CAPS2: variants seen among roughly 807,000 people sequenced by gnomAD.
CAPS2 encodes the protein calcyphosin-2.
Under a neutral mutation model 86.5 loss-of-function variants are expected in CAPS2, and 98 were observed. The observed-to-expected ratio is 1.13, with a 90% CI of 0.96 to 1.34. The LOEUF (loss-of-function observed/expected upper bound fraction) is 1.34, where lower values mean the gene tolerates loss of function less well. Ranked by LOEUF, CAPS2 falls within the 40% of genes most tolerant of loss-of-function variation. The pLI, the probability that CAPS2 is intolerant of heterozygous loss-of-function variation, is 0.00. For synonymous variants in CAPS2, 210 were observed against 225.1 expected, an observed-to-expected ratio of 0.93 and a Z score of 0.60; for missense variants, 729 against 686.8, an observed-to-expected ratio of 1.06 and a Z score of -0.69.
chr12:75,308,925 G>A (rs6582286), intron 7 of CAPS2, among the ~76,000 whole-genome samples: 27 of 130,872 alleles, frequency 2.1e-4, no homozygotes, highest in East Asian at 2.2e-4. Context: ...AAAAAAAAAG[G>A]GGGTAAGGAG....
intron 14 of CAPS2, 101 bp downstream of exon 14, chr12:75,289,517 GAGA>G (rs1046852502): frequency 9.7e-6 from 10 of 1,028,398 alleles, no homozygotes; most frequent in East Asian, 2.5e-5. Context: ...AAAGGGCATA[GAGA>G]AGGAGAAAAT....
exon 17 of CAPS2, chr12:75,277,659 A>G: frequency 8.1e-6 from 8 of 984,246 alleles, no homozygotes; most frequent in South Asian, 4.7e-5. Flanking sequence ...TTGGGTTCAC[A>G]TGTATCACAC....
chr12:75,371,368 G>C (rs1345841987), intron 1 of CAPS2: 1 of 203,078 alleles, frequency 4.9e-6, no homozygotes, highest in Non-Finnish European at 1.1e-5. Context: ...GTTTATTCTA[G>C]CTGGCAGCCG....
chr12:75,364,053 G>T (rs556674168), intron 1 of CAPS2, among the ~76,000 whole-genome samples: 3 of 152,268 alleles, frequency 2.0e-5, no homozygotes, highest in South Asian at 4.1e-4. Context: ...GAGACCAAGG[G>T]TTTATTAAGT....
At chr12:75,293,226 T>G (rs1363473211) in intron 12 of CAPS2, 23 bp downstream of exon 12, 1 of 1,355,858 alleles carries the variant, frequency 7.4e-7, no homozygotes, top group Non-Finnish European at 1.0e-6. Flanking sequence ...ACTTTCAAAT[T>G]GCCAAATGCA....
chr12:75,338,168 T>A lies in CAPS2; in HGVS notation c.-394-14946A>T, dbSNP rs183608110. Reference sequence around the variant, plus strand: ...AAAAACATTACAGGTTAGAAAATTATAGCTCAATATAGATGCAAAAAATCT... The same window carrying A: ...AAAAACATTACAGGTTAGAAAATTAAAGCTCAATATAGATGCAAAAAATCT... On this transcript the variant is annotated intron_variant, in intron 1 of 5. Coordinates refer to the CAPS2 transcript ENST00000551829. Among the ~76,000 whole-genome samples the A allele has an allele frequency of 7.2e-5, 11 of 152,282 alleles. No homozygotes were observed. In the East Asian group the frequency reaches 2.1e-3, roughly 29 times the overall value.
intron 1 of CAPS2, among the ~76,000 whole-genome samples, chr12:75,344,722 T>C (rs1190082367): frequency 6.6e-6 from 1 of 152,176 alleles, no homozygotes; most frequent in Non-Finnish European, 1.5e-5. Flanking sequence ...GCTGGGTTCA[T>C]CTGTATACTA....
intron 7 of CAPS2, chr12:75,306,393 A>C: frequency 7.7e-6 from 3 of 391,738 alleles, no homozygotes; most frequent in Non-Finnish European, 9.5e-6. Flanking sequence ...ATGGTTTCTG[A>C]CCCTCACCAG....
At chr12:75,323,559 C>A (rs1487821356) in intron 2 of CAPS2, among the ~76,000 whole-genome samples, 1 of 152,122 alleles carries the variant, frequency 6.6e-6, no homozygotes, top group Non-Finnish European at 1.5e-5. Context: ...GCCTGACCAA[C>A]ATGGAGAAAC....
chr12:75,316,767 A>G (rs1270696880), intron 5 of CAPS2, among the ~76,000 whole-genome samples: 1 of 152,194 alleles, frequency 6.6e-6, no homozygotes, highest in Non-Finnish European at 1.5e-5. Flanking sequence ...GTTAGCAGCT[A>G]TTATAATTAT....
intron 1 of CAPS2, chr12:75,369,538 G>A: frequency 1.0e-6 from 1 of 982,514 alleles, no homozygotes; most frequent in South Asian, 4.7e-5. Context: ...AAAGTTTGAT[G>A]TGGAAAAGAC....
At chr12:75,358,531 A>G (rs2043305404) in intron 1 of CAPS2, among the ~76,000 whole-genome samples, 1 of 151,190 alleles carries the variant, frequency 6.6e-6, no homozygotes, top group Admixed American at 6.6e-5. Context: ...AACAAGCTAA[A>G]AATAGAAGGG....
intron 15 of CAPS2, among the ~76,000 whole-genome samples, chr12:75,282,708 TA>T (rs1301239140): frequency 6.6e-6 from 1 of 152,148 alleles, no homozygotes; most frequent in Non-Finnish European, 1.5e-5. Flanking sequence ...ATTTTTTAAG[TA>T]AAATTATTAG....
rs764082293 is a variant in CAPS2, at chr12:75,299,833, T to A, written c.854+4A>T. ...ATTAAAAATTTTAATAAAATCACAA[T>A]TACCGTGATACGATCCTACCATCAA... On this transcript the variant is annotated splice_donor_region_variant and intron_variant, in intron 9 of 16. Coordinates refer to ENST00000393284, the Ensembl canonical transcript of CAPS2. 31 of 1,441,366 alleles carry A rather than the reference T, an allele frequency of 2.2e-5. No homozygotes were observed. The East Asian group carries it at 6.9e-4, about 32-fold the overall frequency. 89.3% of individuals were successfully genotyped at this position (1,441,366 alleles called of 1,614,324 possible).
At chr12:75,299,815 A>C (rs766579082) in intron 9 of CAPS2, 22 bp downstream of exon 9, 1 of 1,284,116 alleles carries the variant, frequency 7.8e-7, no homozygotes, top group Admixed American at 2.2e-5. Flanking sequence ...AGGATTAAAA[A>C]TTTTAATAAA....
At chr12:75,347,242 G>GTTTTCCC (rs1444212671) in intron 1 of CAPS2, among the ~76,000 whole-genome samples, 1 of 151,984 alleles carries the variant, frequency 6.6e-6, no homozygotes, top group Non-Finnish European at 1.5e-5. Flanking sequence ...ACAAATAAAT[G>GTTTTCCC]TAAGTTATTG....
At chr12:75,379,851 AG>A (rs1185069979) in intron 1 of CAPS2, among the ~76,000 whole-genome samples, 18 of 111,554 alleles carry the variant, frequency 1.6e-4, no homozygotes, top group African/African-American at 6.2e-4. Context: ...CATCCCTATC[AG>A]TAAAAAAAAA....
intron 1 of CAPS2, chr12:75,343,729 T>C (rs74498308): frequency 1.2e-6 from 2 of 1,611,956 alleles, no homozygotes; most frequent in Non-Finnish European, 1.7e-6. Flanking sequence ...GGCTAAAGCA[T>C]GGGCAAACCA....
chr12:75,368,523 T>C (rs1165339723), intron 1 of CAPS2, among the ~76,000 whole-genome samples: 1 of 151,822 alleles, frequency 6.6e-6, no homozygotes, highest in Non-Finnish European at 1.5e-5. Context: ...TATTACGTTA[T>C]TCTTTCATTC....
Sources: gnomAD v4.1 joint callset for allele counts (sites outside exome capture counted in the v4.1 genomes callset) on GRCh38, gnomAD v4.1.1 for gene constraint, MANE v1.5 for transcripts, NCBI Gene and HGNC (gene_info 2026-07-23, HGNC 2026-07-21) for gene names.